RPS6KB1: variants seen among roughly 807,000 people sequenced by gnomAD.
The protein encoded by RPS6KB1 is ribosomal protein S6 kinase B1.
Under a neutral mutation model 70.2 loss-of-function variants are expected in RPS6KB1, and 12 were observed. That is an observed-to-expected ratio of 0.17 (90% CI 0.11 to 0.28). RPS6KB1 has a LOEUF of 0.28. Among genes scored for constraint, RPS6KB1 ranks in the 10% least tolerant of loss-of-function variants. The pLI, the probability that RPS6KB1 is intolerant of heterozygous loss-of-function variation, is 1.00. For missense variants in RPS6KB1, 270 were observed against 646.6 expected, an observed-to-expected ratio of 0.42 and a Z score of 6.32; for synonymous variants, 175 against 211.2, an observed-to-expected ratio of 0.83 and a Z score of 1.49.
chr17:59,904,510 C>T (rs974894876), intron 1 of RPS6KB1, among the ~76,000 whole-genome samples: 1 of 151,830 alleles, frequency 6.6e-6, no homozygotes, highest in African/African-American at 2.4e-5. Flanking sequence ...TCTCCTGCCT[C>T]AGCCTCCCTA....
intron 1 of RPS6KB1, among the ~76,000 whole-genome samples, chr17:59,909,225 G>A (rs1415189472): frequency 9.8e-5 from 11 of 112,362 alleles, no homozygotes; most frequent in Non-Finnish European, 1.6e-4. Context: ...ACCGCACGTG[G>A]CTTTTTTTTT....
Position 59,931,643 on chromosome 17 carries a change from C to T in RPS6KB1, c.609C>T (p.Ser203=), listed in dbSNP as rs574854678. 1.4e-5 allele frequency: 23 copies of T among 1,612,928 alleles called. No individual in the cohort carries two copies. Among genetic ancestry groups the T allele is most frequent in the Non-Finnish European group, 1.9e-5 (22 of 1,179,122 alleles). ...DTACFYLAEI[S]MALGHLHQKG... is the part of the protein sequence containing the mutation. ...CCAGCTTTTACTTGGCAGAAATCTC[C>T]ATGGCTTTGGGGCATTTACATCAAA... The change falls in exon 7 of 15, where the codon TCC becomes TCT. Residue 203 remains serine (S), a synonymous_variant. Coordinates refer to ENST00000225577, the MANE Select transcript of RPS6KB1 (RefSeq NM_003161.4).
At chr17:59,897,308 C>T (rs760818654) in intron 1 of RPS6KB1, among the ~76,000 whole-genome samples, 1 of 152,188 alleles carries the variant, frequency 6.6e-6, no homozygotes. Flanking sequence ...TAAATAAGTA[C>T]GTAAAGTACA....
intron 13 of RPS6KB1, among the ~76,000 whole-genome samples, chr17:59,943,757 C>T (rs1437864496): frequency 6.6e-6 from 1 of 151,238 alleles, no homozygotes; most frequent in Non-Finnish European, 1.5e-5. Flanking sequence ...GTAGTCCCAG[C>T]TACTCGGGAG....
At chr17:59,917,229 C>T (rs919247046) in intron 4 of RPS6KB1, among the ~76,000 whole-genome samples, 3 of 151,970 alleles carry the variant, frequency 2.0e-5, no homozygotes, top group African/African-American at 4.8e-5. Flanking sequence ...AGCTATCCTC[C>T]CACCTCAGTC....
chr17:59,911,420 G>T (rs1043922167), intron 2 of RPS6KB1, among the ~76,000 whole-genome samples: 1 of 151,948 alleles, frequency 6.6e-6, no homozygotes. Context: ...GAGTGCAGTG[G>T]CACAATCTCG....
chr17:59,905,166 C>T (rs116107081), intron 1 of RPS6KB1, among the ~76,000 whole-genome samples: 143 of 151,640 alleles, frequency 9.4e-4, no homozygotes, highest in African/African-American at 3.1e-3. Context: ...TGCAGATGTG[C>T]GCCACTATGC....
intron 2 of RPS6KB1, among the ~76,000 whole-genome samples, chr17:59,911,164 C>T (rs534347207): frequency 6.6e-6 from 1 of 152,268 alleles, no homozygotes; most frequent in African/African-American, 2.4e-5. Flanking sequence ...GACTCCGTCT[C>T]AACAGCAACA....
intron 4 of RPS6KB1, among the ~76,000 whole-genome samples, chr17:59,922,965 C>T (rs1422402539): frequency 2.0e-5 from 3 of 150,132 alleles, no homozygotes; most frequent in Admixed American, 6.7e-5. Flanking sequence ...CTCCCAGGTT[C>T]GAGCAATTCT....
intron 1 of RPS6KB1, among the ~76,000 whole-genome samples, chr17:59,907,704 A>G (rs1340983044): frequency 6.6e-6 from 1 of 151,970 alleles, no homozygotes; most frequent in Non-Finnish European, 1.5e-5. Flanking sequence ...ACACTCAGCT[A>G]ATTTTTAAAA....
intron 13 of RPS6KB1, among the ~76,000 whole-genome samples, chr17:59,943,321 T>G (rs2044724032): frequency 6.6e-6 from 1 of 152,198 alleles, no homozygotes; most frequent in Admixed American, 6.5e-5. Context: ...TACCTTTGAT[T>G]TAACATAGAG....
rs139921850 is a variant in RPS6KB1 at position 59,933,378 on chromosome 17, A to G, written c.689-792A>G. Among the ~76,000 whole-genome samples, 585 of 152,282 alleles carry G rather than the reference A, an allele frequency of 3.8e-3. 5 individuals are homozygous for G. Among genetic ancestry groups the G allele is most frequent in the African/African-American group, 0.013 (529 of 41,560 alleles). On this transcript the variant is annotated intron_variant, in intron 7 of 14. Coordinates refer to ENST00000225577, the MANE Select transcript of RPS6KB1 (RefSeq NM_003161.4). ...AGAATAGTTAACTTCTTTGATTTATAAGGTTGAGTGTATCAGATGGTTCTG... is the reference window on the plus strand; with the variant it reads ...AGAATAGTTAACTTCTTTGATTTATGAGGTTGAGTGTATCAGATGGTTCTG...
intron 1 of RPS6KB1, among the ~76,000 whole-genome samples, chr17:59,905,352 G>A (rs984087503): frequency 6.6e-6 from 1 of 152,028 alleles, no homozygotes; most frequent in Non-Finnish European, 1.5e-5. Context: ...ACATGCAAAG[G>A]TTTTACATTT....
rs931503695 is a variant in RPS6KB1, at chr17:59,921,907, T to A, written c.382-4528T>A. Among the ~76,000 whole-genome samples, 3 of 152,176 alleles carry A rather than the reference T, an allele frequency of 2.0e-5. No individual in the cohort carries two copies. In the East Asian group the frequency reaches 5.8e-4, roughly 29 times the overall value. On this transcript the variant is annotated intron_variant, in intron 4 of 14. Transcript: ENST00000225577. ...ACTTACTTGATTCCTACAATGCCTGTTTTTTGGCCCTAAGCCCTTTAGTTA... is the reference window on the plus strand; with the variant it reads ...ACTTACTTGATTCCTACAATGCCTGATTTTTGGCCCTAAGCCCTTTAGTTA...
In RPS6KB1 at chr17:59,948,096, G is replaced by A. The variant is rs1266850160; in HGVS notation, c.*1308G>A. 1 of 152,850 alleles carries A rather than the reference G, an allele frequency of 6.5e-6. No individual in the cohort carries two copies. Among genetic ancestry groups the A allele is most frequent in the Non-Finnish European group, 1.5e-5 (1 of 68,292 alleles). The allele number at this position is 152,850 out of a possible 1,614,324, so 9.5% of individuals were successfully genotyped here. ...CTTAATTTAGGAAACATGTTAACAG[G>A]ACACTATGTTTTTGAAATTGTAACA... On this transcript the variant is annotated 3_prime_UTR_variant, in exon 15 of 15. Coordinates refer to ENST00000225577, the MANE Select transcript of RPS6KB1 (RefSeq NM_003161.4).
intron 7 of RPS6KB1, among the ~76,000 whole-genome samples, chr17:59,933,228 A>G (rs1175620337): frequency 2.0e-5 from 3 of 150,858 alleles, no homozygotes; most frequent in Non-Finnish European, 4.4e-5. Context: ...AGGAGAAATG[A>G]TATACTTAAC....
chr17:59,896,224 G>C (rs8070039), intron 1 of RPS6KB1, among the ~76,000 whole-genome samples: 19,670 of 151,496 alleles, frequency 0.13, 1,521 homozygotes, highest in Middle Eastern at 0.22. Context: ...ACAGAGTCTT[G>C]CTCTATTTGC....
intron 7 of RPS6KB1, among the ~76,000 whole-genome samples, chr17:59,932,247 C>CA (rs761712349): frequency 3.4e-3 from 435 of 127,490 alleles, no homozygotes; most frequent in African/African-American, 9.2e-3. Flanking sequence ...TACAAAAATA[C>CA]AAAAAAAAAA....
At chr17:59,898,058 T>C (rs997720599) in intron 1 of RPS6KB1, among the ~76,000 whole-genome samples, 1 of 152,114 alleles carries the variant, frequency 6.6e-6, no homozygotes, top group Non-Finnish European at 1.5e-5. Flanking sequence ...AGGGTGTCTT[T>C]TTTGTTTGTT....
Sources: gnomAD v4.1 joint callset for allele counts (sites outside exome capture counted in the v4.1 genomes callset) on GRCh38, gnomAD v4.1.1 for gene constraint, MANE v1.5 for transcripts, NCBI Gene and HGNC (gene_info 2026-07-23, HGNC 2026-07-21) for gene names.